The following CADPS2 variants were observed in gnomAD, a reference collection of about 807,000 sequenced individuals.
CADPS2 encodes the protein calcium dependent secretion activator 2.
In CADPS2, 93 loss-of-function variants were observed where a neutral mutation model predicts 172.5. The ratio of observed to expected loss-of-function variants is 0.54; its 90% CI spans 0.46 to 0.64. The LOEUF is 0.64. CADPS2 is among the 30% of genes least tolerant of loss of function. The probability of loss-of-function intolerance (pLI) is 0.00; values close to 1 mark genes in which losing one functional copy is unlikely to be tolerated. For synonymous variants in CADPS2, 546 were observed against 555.2 expected, an observed-to-expected ratio of 0.98 and a Z score of 0.23; for missense variants, 1,420 against 1,565.9, an observed-to-expected ratio of 0.91 and a Z score of 1.57.
At chr7:122,396,691 C>G (rs2045182772) in intron 20 of CADPS2, among the ~76,000 whole-genome samples, 1 of 152,180 alleles carries the variant, frequency 6.6e-6, no homozygotes, top group Non-Finnish European at 1.5e-5. Flanking sequence ...TCTAGAAATG[C>G]TTCCTTCTGC....
At chr7:122,879,547 TA>T (rs1201307766) in intron 1 of CADPS2, among the ~76,000 whole-genome samples, 3 of 150,248 alleles carry the variant, frequency 2.0e-5, no homozygotes, top group Non-Finnish European at 4.4e-5. Flanking sequence ...AAATAAAAAA[TA>T]AAAATAAAAA....
In CADPS2 at chr7:122,671,635, G is replaced by A. The variant is rs73220277; in HGVS notation, c.454-8066C>T. ...AGAGGGAAAGAATGAGCCTCGTCTT[G>A]TGAGAAGCAGCTGATCAACTGCCCG... is the stretch of plus-strand genomic sequence containing the variant. On this transcript the variant is annotated intron_variant, in intron 2 of 29. Coordinates refer to ENST00000449022, the MANE Select transcript of CADPS2 (RefSeq NM_017954.11). 5.6e-3 allele frequency among the ~76,000 whole-genome samples: 831 copies of A among 149,724 alleles called. 3 individuals are homozygous for A. Among genetic ancestry groups the A allele is most frequent in the Middle Eastern group, 0.01 (3 of 294 alleles).
chr7:122,701,968 G>A, intron 2 of CADPS2: 1 of 1,613,640 alleles, frequency 6.2e-7, no homozygotes, highest in Non-Finnish European at 8.5e-7. Context: ...ATGTGTCAAA[G>A]CAAACAACAC....
At chr7:122,588,736 G>A (rs1401043651) in intron 6 of CADPS2, among the ~76,000 whole-genome samples, 1 of 151,870 alleles carries the variant, frequency 6.6e-6, no homozygotes, top group African/African-American at 2.4e-5. Flanking sequence ...TCCTATGAGA[G>A]ATTTGCTGAA....
intron 1 of CADPS2, among the ~76,000 whole-genome samples, chr7:122,764,591 A>G (rs1234827623): frequency 8.5e-6 from 1 of 117,124 alleles, no homozygotes; most frequent in Non-Finnish European, 1.6e-5. Flanking sequence ...ATGAAGCAAA[A>G]TAAGTAGTCA....
chr7:122,671,335 T>C (rs915391697), intron 2 of CADPS2, among the ~76,000 whole-genome samples: 1 of 152,170 alleles, frequency 6.6e-6, no homozygotes, highest in Non-Finnish European at 1.5e-5. Flanking sequence ...GTTAAACCAA[T>C]GATTTAATTC....
intron 2 of CADPS2, among the ~76,000 whole-genome samples, chr7:122,686,492 C>T (rs1442591291): frequency 6.6e-6 from 1 of 152,160 alleles, no homozygotes; most frequent in Non-Finnish European, 1.5e-5. Context: ...TTAGAATCAG[C>T]TGGAGGACTT....
At chr7:122,583,179 C>G (rs73717695) in intron 6 of CADPS2, among the ~76,000 whole-genome samples, 1 of 151,914 alleles carries the variant, frequency 6.6e-6, no homozygotes, top group Non-Finnish European at 1.5e-5. Context: ...AAAAACTATT[C>G]TACAATATTT....
intron 8 of CADPS2, 55 bp from the exon 9 acceptor site, chr7:122,513,370 C>T: frequency 3.1e-6 from 4 of 1,304,108 alleles, no homozygotes; most frequent in Non-Finnish European, 4.3e-6. Context: ...GTTGTGCTTC[C>T]ATGTAATCAC....
At chr7:122,410,700 A>G (rs1368287686) in intron 19 of CADPS2, among the ~76,000 whole-genome samples, 1 of 149,292 alleles carries the variant, frequency 6.7e-6, no homozygotes, top group Non-Finnish European at 1.5e-5. Context: ...GTAATAATTG[A>G]CTACCGCAAT....
At chr7:122,704,053 T>C (rs2086594861) in intron 2 of CADPS2, among the ~76,000 whole-genome samples, 1 of 152,106 alleles carries the variant, frequency 6.6e-6, no homozygotes, top group African/African-American at 2.4e-5. Context: ...GTATAGGTTA[T>C]CTTCTATGTG....
intron 2 of CADPS2, among the ~76,000 whole-genome samples, chr7:122,695,986 A>G (rs2085024564): frequency 6.6e-6 from 1 of 152,220 alleles, no homozygotes; most frequent in Non-Finnish European, 1.5e-5. Context: ...CAGAGCTGCA[A>G]TGACCCTGGA....
chr7:122,627,295 T>C (rs139461271), intron 4 of CADPS2, among the ~76,000 whole-genome samples: 22 of 152,346 alleles, frequency 1.4e-4, no homozygotes, highest in African/African-American at 4.6e-4. Flanking sequence ...GGTCAGTCAA[T>C]TGTTATTAGG....
intron 1 of CADPS2, among the ~76,000 whole-genome samples, chr7:122,785,939 G>A (rs915213062): frequency 2.0e-5 from 3 of 152,186 alleles, no homozygotes; most frequent in Admixed American, 6.5e-5. Context: ...GAAGATGCAG[G>A]TAATGTGGTT....
intron 1 of CADPS2, among the ~76,000 whole-genome samples, chr7:122,835,317 A>G (rs1808019733): frequency 1.3e-5 from 2 of 152,202 alleles, no homozygotes; most frequent in Non-Finnish European, 2.9e-5. Context: ...AGGTAGATAA[A>G]ACCACAAAGA....
intron 15 of CADPS2, among the ~76,000 whole-genome samples, chr7:122,449,156 T>C (rs1268504995): frequency 3.3e-5 from 5 of 152,206 alleles, no homozygotes; most frequent in African/African-American, 9.6e-5. Flanking sequence ...GTTGAAATCA[T>C]TGATATAATA....
chr7:122,445,390 A>G (rs2052019425), intron 15 of CADPS2, among the ~76,000 whole-genome samples: 1 of 152,104 alleles, frequency 6.6e-6, no homozygotes, highest in African/African-American at 2.4e-5. Context: ...ACTTTATACT[A>G]TTCAGTGTAC....
At chr7:122,441,961 C>T (rs568580021) in intron 15 of CADPS2, among the ~76,000 whole-genome samples, 165 of 152,290 alleles carry the variant, frequency 1.1e-3, no homozygotes, top group African/African-American at 3.8e-3. Flanking sequence ...CCTCCTGTGG[C>T]TACTTGTGGT....
At chr7:122,428,544 T>G (rs995832258) in intron 17 of CADPS2, among the ~76,000 whole-genome samples, 2 of 151,370 alleles carry the variant, frequency 1.3e-5, no homozygotes, top group Admixed American at 6.6e-5. Context: ...CACGGCTCAC[T>G]GCAACCTCTG....
Sources: gnomAD v4.1 joint callset for allele counts (sites outside exome capture counted in the v4.1 genomes callset) on GRCh38, gnomAD v4.1.1 for gene constraint, MANE v1.5 for transcripts, NCBI Gene and HGNC (gene_info 2026-07-23, HGNC 2026-07-21) for gene names.